The following CCNJL variants were observed in gnomAD, a reference collection of about 807,000 sequenced individuals.
CCNJL encodes cyclin J like.
CCNJL carries 33 observed loss-of-function variants against 33.4 expected under a neutral mutation model. The observed-to-expected ratio is 0.99, with a 90% CI of 0.75 to 1.32. CCNJL has a LOEUF of 1.32. Ranked by LOEUF, CCNJL falls within the 40% of genes most tolerant of loss-of-function variation. CCNJL has a pLI of 0.00. For missense variants in CCNJL, 512 were observed against 499.7 expected (o/e 1.02, Z -0.23); for synonymous variants, 227 against 220.9 (o/e 1.03, Z -0.24).
Position 160,330,341 on chromosome 5 carries a change from G to C in CCNJL, n.206+9104C>G, listed in dbSNP as rs185448182. On this transcript the variant is annotated intron_variant and non_coding_transcript_variant, in intron 1 of 7. Coordinates refer to the CCNJL transcript ENST00000377503. ...ATTGGCATGTTCTCAAAATTCCCCA[G>C]GTGTTTCTAATTTGTGGCTGGGTCA... Among the ~76,000 whole-genome samples the C allele has an allele frequency of 2.2e-3, 342 of 152,230 alleles. 2 individuals carry two copies. Among genetic ancestry groups the C allele is most frequent in the African/African-American group, 7.8e-3 (322 of 41,530 alleles).
chr5:160,331,596 A>G (rs1763609316), intron 1 of CCNJL, among the ~76,000 whole-genome samples: 1 of 152,038 alleles, frequency 6.6e-6, no homozygotes, highest in Admixed American at 6.6e-5. Context: ...TTCCATTCCA[A>G]AGTCAATCAG....
At chr5:160,337,076 C>T (rs1763692151) in intron 1 of CCNJL, among the ~76,000 whole-genome samples, 1 of 138,198 alleles carries the variant, frequency 7.2e-6, no homozygotes, top group Non-Finnish European at 1.5e-5. Flanking sequence ...CGATCATGGA[C>T]TACTGCAGCC....
At chr5:160,273,410 T>G (rs2113315986) in intron 3 of CCNJL, among the ~76,000 whole-genome samples, 2 of 152,270 alleles carry the variant, frequency 1.3e-5, no homozygotes, top group East Asian at 1.9e-4. Context: ...TAGACAGCAC[T>G]TCAGCTCTAT....
chr5:160,309,511 A>C (rs1219324421), intron 2 of CCNJL, among the ~76,000 whole-genome samples: 1 of 152,246 alleles, frequency 6.6e-6, no homozygotes, highest in African/African-American at 2.4e-5. Context: ...CGCTCTTGTA[A>C]AGTTGTTCTA....
intron 3 of CCNJL, among the ~76,000 whole-genome samples, chr5:160,272,684 T>C (rs1761879269): frequency 6.6e-6 from 1 of 152,184 alleles, no homozygotes; most frequent in Non-Finnish European, 1.5e-5. Context: ...ATGCTAACAG[T>C]TCCAAAGGCT....
At chr5:160,317,588 A>G (rs911299795), upstream of CCNJL, among the ~76,000 whole-genome samples, 11 of 152,194 alleles carry the variant, frequency 7.2e-5, no homozygotes, top group African/African-American at 2.7e-4. Context: ...GAGTTTGGTG[A>G]CATTCAAAGG....
chr5:160,309,970 C>T (rs753073367), intron 2 of CCNJL, among the ~76,000 whole-genome samples: 13 of 152,172 alleles, frequency 8.5e-5, no homozygotes, highest in Non-Finnish European at 1.8e-4. Context: ...GCCTTTCTTG[C>T]TTCTTTGAGC....
At chr5:160,287,154 T>C (rs1762433127) in intron 2 of CCNJL, among the ~76,000 whole-genome samples, 1 of 152,110 alleles carries the variant, frequency 6.6e-6, no homozygotes, top group South Asian at 2.1e-4. Flanking sequence ...AGTGTCCCTA[T>C]CTGAGAAATG....
At chr5:160,277,548 T>C (rs1762056690) in intron 3 of CCNJL, among the ~76,000 whole-genome samples, 2 of 152,182 alleles carry the variant, frequency 1.3e-5, no homozygotes, top group Admixed American at 1.3e-4. Context: ...TGTGTTAAGG[T>C]AGGAGACGCA....
chr5:160,289,315 A>G (rs1294268856), intron 2 of CCNJL, among the ~76,000 whole-genome samples: 1 of 152,164 alleles, frequency 6.6e-6, no homozygotes, highest in Admixed American at 6.5e-5. Context: ...GGCACAGAGT[A>G]AGTACTAATG....
chr5:160,259,517 C>T lies in CCNJL; in HGVS notation c.535G>A (p.Glu179Lys). The change falls in exon 4 of 6, where the codon GAG (glutamate) becomes AAG (lysine). Residue 179 changes from glutamate to lysine, a missense_variant. By Grantham distance (56) the Glu-to-Lys change is moderately conservative (BLOSUM62 1). Transcript: ENST00000257536. ...TAATGGGCATACTCCTTGAGGCACTCTTTGGTCTTGCGGGGGCAGGTGGTG... is the reference window on the plus strand; with the variant it reads ...TAATGGGCATACTCCTTGAGGCACTTTTTGGTCTTGCGGGGGCAGGTGGTG... ...WPTTCPRKTK[E>K]CLKEYAHYFL... 1 of 1,614,118 alleles carries T rather than the reference C, an allele frequency of 6.2e-7. No homozygotes were observed. The highest frequency in any genetic ancestry group is 8.5e-7 in the Non-Finnish European group (1 of 1,180,006).
chr5:160,255,674 G>A lies in CCNJL; in HGVS notation c.618C>T (p.Val206=), dbSNP rs1274479276. 2.5e-6 allele frequency: 4 copies of A among 1,614,024 alleles called. No homozygotes were observed. The highest frequency in any genetic ancestry group is 2.2e-5 in the East Asian group (1 of 44,880). ...HIFYKFQPSV[V]AAACVGASRI... is the part of the protein sequence containing the mutation. Reference sequence around the variant, plus strand: ...TGGAGGCCCCAACACAGGCCGCAGCGACCACAGAAGGCTGGAATTTGTAGA... The same window carrying A: ...TGGAGGCCCCAACACAGGCCGCAGCAACCACAGAAGGCTGGAATTTGTAGA... Residue 206 remains valine (V), a synonymous_variant, in exon 5 of 6, where the codon GTC becomes GTT. Transcript: ENST00000257536.
Position 160,249,346 on chromosome 5 carries a change from C to T in CCNJL, c.*4032G>A, listed in dbSNP as rs1212567143. ...GAAAAAGTTCTATTATGTTGACATG[C>T]TTAAATATTGGTATATTGAGTATTC... On this transcript the variant is annotated 3_prime_UTR_variant, in exon 6 of 6. Coordinates refer to ENST00000257536, the MANE Select transcript of CCNJL (RefSeq NM_001308173.3). The T allele has an allele frequency of 6.6e-6, 1 of 152,200 alleles. No homozygotes were observed. The highest frequency in any genetic ancestry group is 1.5e-5 in the Non-Finnish European group (1 of 68,042). 9.4% of individuals were successfully genotyped at this position (152,200 alleles called of 1,614,324 possible). A position where few individuals can be genotyped will look rare whatever the true frequency, so the allele number is the denominator to read the frequency against.
intron 2 of CCNJL, among the ~76,000 whole-genome samples, chr5:160,284,003 T>A (rs1219709311): frequency 6.6e-6 from 1 of 152,202 alleles, no homozygotes; most frequent in African/African-American, 2.4e-5. Context: ...TAGCACATGT[T>A]CTTTATCCAT....
At chr5:160,285,881 AG>A (rs1762390114) in intron 2 of CCNJL, among the ~76,000 whole-genome samples, 1 of 152,208 alleles carries the variant, frequency 6.6e-6, no homozygotes, top group South Asian at 2.1e-4. Flanking sequence ...GCTTCTTCCT[AG>A]GGTAAGGCCA....
chr5:160,270,872 C>T (rs759241278), intron 3 of CCNJL, among the ~76,000 whole-genome samples: 7 of 152,144 alleles, frequency 4.6e-5, no homozygotes, highest in Admixed American at 2.0e-4. Flanking sequence ...CATTCCAGAA[C>T]GTAGGTCTGC....
At chr5:160,322,122 G>A (rs1301095417) in intron 1 of CCNJL, among the ~76,000 whole-genome samples, 1 of 152,188 alleles carries the variant, frequency 6.6e-6, no homozygotes, top group Non-Finnish European at 1.5e-5. Context: ...AGGATCTGCT[G>A]ATGGACTAGA....
Position 160,318,243 on chromosome 5 carries a change from C to T in CCNJL, n.207-2738G>A, listed in dbSNP as rs148960096. ...TGTTGACCAGGCTGGTGTTGAACTC[C>T]TGACCTCAGGTGATCTACCCACCTT... On this transcript the variant is annotated intron_variant and non_coding_transcript_variant, in intron 1 of 7. Transcript: ENST00000377503. Among the ~76,000 whole-genome samples, 35 of 152,308 alleles carry T rather than the reference C, an allele frequency of 2.3e-4. 2 individuals carry two copies. In the East Asian group the frequency reaches 6.4e-3, roughly 28 times the overall value.
At chr5:160,288,243 G>A (rs527596226) in intron 2 of CCNJL, among the ~76,000 whole-genome samples, 38 of 152,252 alleles carry the variant, frequency 2.5e-4, no homozygotes, top group African/African-American at 8.4e-4. Flanking sequence ...TCACGATCAT[G>A]CTTTTCAACA....
Sources: gnomAD v4.1 joint callset for allele counts (sites outside exome capture counted in the v4.1 genomes callset) on GRCh38, gnomAD v4.1.1 for gene constraint, MANE v1.5 for transcripts, NCBI Gene and HGNC (gene_info 2026-07-23, HGNC 2026-07-21) for gene names.